Variants in IRF2 observed in about 807,000 individuals in gnomAD.
IRF2 encodes the protein interferon regulatory factor 2.
Under a neutral mutation model 40.6 loss-of-function variants are expected in IRF2, and 15 were observed. That is an observed-to-expected ratio of 0.37 (90% CI 0.25 to 0.57). The LOEUF is 0.57. Among genes scored for constraint, IRF2 ranks in the 20% least tolerant of loss-of-function variants. IRF2 has a pLI of 0.77. For synonymous variants in IRF2, 151 were observed against 165.5 expected (o/e 0.91, Z 0.67); for missense variants, 317 against 455.7 (o/e 0.70, Z 2.77).
chr4:184,439,399 A>G (rs1738213468), intron 1 of IRF2, among the ~76,000 whole-genome samples: 2 of 150,982 alleles, frequency 1.3e-5, no homozygotes, highest in African/African-American at 4.9e-5. Context: ...AAGAACCGGG[A>G]ATTTTTTTTA....
intron 7 of IRF2, among the ~76,000 whole-genome samples, chr4:184,398,039 C>T (rs1272958848): frequency 6.6e-6 from 1 of 152,098 alleles, no homozygotes; most frequent in African/African-American, 2.4e-5. Context: ...CTAATTAGAA[C>T]CTGTACTAGA....
intron 1 of IRF2, among the ~76,000 whole-genome samples, chr4:184,460,242 C>T (rs1403686690): frequency 6.6e-6 from 1 of 152,202 alleles, no homozygotes; most frequent in Non-Finnish European, 1.5e-5. Flanking sequence ...AAGACAAAGA[C>T]TGTATGATTC....
intron 1 of IRF2, among the ~76,000 whole-genome samples, chr4:184,446,994 A>ATGCAACTAATACACATATTCTCTAACCT (rs1262907879): frequency 1.3e-5 from 2 of 152,138 alleles, no homozygotes; most frequent in Non-Finnish European, 2.9e-5. Context: ...GTAAGTATAT[A>ATGCAACTAATACACATATTCTCTAACCT]TGCAACTAAT....
intron 1 of IRF2, among the ~76,000 whole-genome samples, chr4:184,434,088 G>A (rs1272771645): frequency 6.6e-6 from 1 of 152,206 alleles, no homozygotes; most frequent in Non-Finnish European, 1.5e-5. Flanking sequence ...TTCCATTATC[G>A]AAAGTCAAGG....
At chr4:184,418,982 G>A (rs1189744726) in intron 3 of IRF2, among the ~76,000 whole-genome samples, 1 of 152,170 alleles carries the variant, frequency 6.6e-6, no homozygotes, top group Non-Finnish European at 1.5e-5. Flanking sequence ...ATAAATGCTG[G>A]AAGAATGGAG....
rs199756860 is a variant in IRF2 at position 184,388,835 on chromosome 4, G to A, written c.973C>T (p.Arg325Trp). ...SSMTPASSSS[R>W]PDRETRASVI... is the part of the protein sequence containing the mutation. ...CTGGCCCGGGTCTCCCGGTCTGGCCGACTGCTGCTGGATGCTGGGGTCATG... is the reference window on the plus strand; with the variant it reads ...CTGGCCCGGGTCTCCCGGTCTGGCCAACTGCTGCTGGATGCTGGGGTCATG... Residue 325 changes from arginine (R) to tryptophan (W), a missense_variant, in exon 9 of 9, where the codon CGG becomes TGG. Physicochemically the swap from Arg to Trp is moderately radical, Grantham distance 101. Around this residue, in one of 2 missense-constraint regions of IRF2, gnomAD observed 262 missense variants for 334.0 expected, o/e 0.78. Transcript: ENST00000393593. The surrounding 1 kb of genome is among the most constrained non-coding windows in gnomAD (Gnocchi z 4.6). The A allele has an allele frequency of 2.5e-5, 41 of 1,614,054 alleles. No individual in the cohort carries two copies. The highest frequency in any genetic ancestry group is 5.3e-5 in the African/African-American group (4 of 75,024).
chr4:184,406,496 G>A (rs1463079058), intron 6 of IRF2, among the ~76,000 whole-genome samples: 1 of 152,090 alleles, frequency 6.6e-6, no homozygotes. Flanking sequence ...CCAAAGTGCT[G>A]GGATTACAGG....
chr4:184,399,193 C>T (rs1057023155), intron 6 of IRF2, 114 bp from the exon 7 acceptor site: 18 of 1,066,234 alleles, frequency 1.7e-5, no homozygotes, highest in Middle Eastern at 2.1e-4. Context: ...CCATCACCAT[C>T]TGTCCCCTGC....
intron 1 of IRF2, among the ~76,000 whole-genome samples, chr4:184,463,944 T>C (rs1468678553): frequency 1.3e-5 from 2 of 152,136 alleles, no homozygotes; most frequent in East Asian, 1.9e-4. Context: ...TCCTATAAAA[T>C]GCCTTCACCT....
intron 3 of IRF2, among the ~76,000 whole-genome samples, chr4:184,419,132 A>T (rs72703709): frequency 0.11 from 16,499 of 152,274 alleles, 1,094 homozygotes; most frequent in South Asian, 0.15. Context: ...TGTAATAAAT[A>T]CAGGTATTTC....
At chr4:184,406,387 G>A (rs1202334217) in intron 6 of IRF2, among the ~76,000 whole-genome samples, 3 of 151,850 alleles carry the variant, frequency 2.0e-5, no homozygotes, top group Non-Finnish European at 4.4e-5. Context: ...CTGCCACCAC[G>A]CCCAGCTAAT....
intron 7 of IRF2, among the ~76,000 whole-genome samples, chr4:184,396,255 TG>T (rs1736450599): frequency 6.6e-6 from 1 of 152,136 alleles, no homozygotes; most frequent in African/African-American, 2.4e-5. Context: ...TCACGGGATG[TG>T]GCTGTGTTCT....
chr4:184,432,046 A>G (rs528968293), intron 1 of IRF2: 3 of 152,256 alleles, frequency 2.0e-5, no homozygotes, highest in Admixed American at 2.0e-4. Context: ...AAACGGAAAC[A>G]GTAGTTGAAA....
At position 184,408,752 on chromosome 4, in the gene IRF2, G is replaced by A. The variant is rs545260681; in HGVS notation, c.412-477C>T. Among the ~76,000 whole-genome samples the A allele has an allele frequency of 3.5e-4, 53 of 152,308 alleles. No individual in the cohort carries two copies. The highest frequency in any genetic ancestry group is 1.3e-3 in the African/African-American group (52 of 41,556). ...CTGGCCCAAGAACAGGAGCCCAGAG[G>A]ACATTGTAGATGAATTCTCTGCAGA... On this transcript the variant is annotated intron_variant, in intron 5 of 8. Coordinates refer to ENST00000393593, the MANE Select transcript of IRF2 (RefSeq NM_002199.4). This position sits in a 1 kb window ranked among gnomAD's most constrained non-coding sequence, Gnocchi z 4.9.
intron 1 of IRF2, among the ~76,000 whole-genome samples, chr4:184,431,686 C>G (rs1470512651): frequency 1.3e-5 from 2 of 152,152 alleles, no homozygotes; most frequent in Non-Finnish European, 2.9e-5. Flanking sequence ...GCAACAGACG[C>G]CAGTTCTCCT....
At chr4:184,401,572 A>T (rs574261833) in intron 6 of IRF2, among the ~76,000 whole-genome samples, 7 of 152,328 alleles carry the variant, frequency 4.6e-5, no homozygotes, top group African/African-American at 1.7e-4. Context: ...GACATCAATT[A>T]TGCAGGTCAC....
At chr4:184,416,470 C>CA (rs1160122782) in intron 5 of IRF2, among the ~76,000 whole-genome samples, 1 of 150,430 alleles carries the variant, frequency 6.6e-6, no homozygotes, top group Non-Finnish European at 1.5e-5. Flanking sequence ...AAAAGACATT[C>CA]AAAAATCACA....
At chr4:184,465,402 T>C (rs79004411) in intron 1 of IRF2, among the ~76,000 whole-genome samples, 3,241 of 152,284 alleles carry the variant, frequency 0.021, 113 homozygotes, top group African/African-American at 0.074. Context: ...ATTAGCACTC[T>C]CTTGAGAATA....
chr4:184,425,526 G>C (rs1026386857), intron 2 of IRF2, among the ~76,000 whole-genome samples: 1 of 152,254 alleles, frequency 6.6e-6, no homozygotes, highest in African/African-American at 2.4e-5. Context: ...GTTCCAGGGC[G>C]GTGCTGAGAG....
Sources: allele counts gnomAD v4.1 joint callset (sites outside exome capture counted in the v4.1 genomes callset), GRCh38; gene constraint gnomAD v4.1.1; regional missense constraint gnomAD v4.1.1; non-coding constraint Gnocchi (gnomAD v3.1); transcripts MANE v1.5; gene names NCBI Gene and HGNC (gene_info 2026-07-23, HGNC 2026-07-21).